SOX5: variants seen among roughly 807,000 people sequenced by gnomAD.
SOX5 encodes SRY-box transcription factor 5, also known as transcription factor SOX-5.
Under a neutral mutation model 92.0 loss-of-function variants are expected in SOX5, and 9 were observed. The ratio of observed to expected loss-of-function variants is 0.10; its 90% CI spans 0.06 to 0.17. The LOEUF (loss-of-function observed/expected upper bound fraction) is 0.17. Ranked by LOEUF, SOX5 falls within the 10% of genes least tolerant of loss-of-function variation. The probability of loss-of-function intolerance (pLI) is 1.00; values close to 1 mark genes in which losing one functional copy is unlikely to be tolerated. For missense variants in SOX5, 642 were observed against 944.5 expected (o/e 0.68, Z 4.20); for synonymous variants, 344 against 336.3 (o/e 1.02, Z -0.25).
intron 4 of SOX5, among the ~76,000 whole-genome samples, chr12:24,153,415 T>C (rs1467564688): frequency 1.3e-5 from 2 of 152,094 alleles, no homozygotes; most frequent in Admixed American, 6.6e-5. Context: ...TTATTACAAA[T>C]ATGGGTTTCT....
At chr12:23,784,972 C>G (rs925117647) in intron 3 of SOX5, among the ~76,000 whole-genome samples, 4 of 152,134 alleles carry the variant, frequency 2.6e-5, no homozygotes, top group African/African-American at 9.7e-5. Context: ...GTTCCAGCTA[C>G]TTGATAAGCT....
At chr12:24,179,488 C>T (rs146343899) in intron 4 of SOX5, among the ~76,000 whole-genome samples, 9 of 152,172 alleles carry the variant, frequency 5.9e-5, no homozygotes, top group East Asian at 3.8e-4. Context: ...TAGTCAACCA[C>T]GCAACCATGA....
chr12:23,666,444 G>A (rs1026222435), intron 6 of SOX5, among the ~76,000 whole-genome samples: 5 of 152,176 alleles, frequency 3.3e-5, no homozygotes, highest in African/African-American at 4.8e-5. Context: ...ACAACCTAAT[G>A]TGGCCATTTC....
chr12:23,734,944 A>G (rs780911635), intron 5 of SOX5, among the ~76,000 whole-genome samples, 192 bp from the exon 6 acceptor site: 8 of 152,208 alleles, frequency 5.3e-5, no homozygotes, highest in Non-Finnish European at 1.2e-4. Flanking sequence ...AGGAACAGTT[A>G]TGTTTCTTTT....
chr12:24,406,374 C>T (rs12580589), intron 1 of SOX5, among the ~76,000 whole-genome samples: 11 of 148,524 alleles, frequency 7.4e-5, no homozygotes, highest in Admixed American at 6.7e-4. Flanking sequence ...AAGTGATCAA[C>T]TGAGAGTCAG....
chr12:24,528,981 T>C (rs1350005347), intron 1 of SOX5, among the ~76,000 whole-genome samples: 1 of 152,230 alleles, frequency 6.6e-6, no homozygotes, highest in Non-Finnish European at 1.5e-5. Flanking sequence ...TTTACATATA[T>C]CATCTCATTT....
At position 24,110,394 on chromosome 12, in the gene SOX5, T is replaced by C. The variant is rs1593248296; in HGVS notation, c.-2+102949A>G. Among the ~76,000 whole-genome samples the C allele has an allele frequency of 3.9e-5, 6 of 152,342 alleles. No individual in the cohort carries two copies. In the South Asian group the frequency reaches 1.2e-3, roughly 32 times the overall value. ...GATGACCATCTCTTATTCAATTTTG[T>C]ACAGTCAACCTAAGTCCCACATCAA... On this transcript the variant is annotated intron_variant, in intron 4 of 4. Coordinates refer to the SOX5 transcript ENST00000446891.
chr12:24,270,609 A>G (rs1284215391), intron 3 of SOX5, among the ~76,000 whole-genome samples: 2 of 152,224 alleles, frequency 1.3e-5, no homozygotes, highest in Admixed American at 1.3e-4. Flanking sequence ...CACACAGGTC[A>G]TTACTGGCAC....
At chr12:23,982,227 T>A (rs1949640096) in intron 4 of SOX5, among the ~76,000 whole-genome samples, 1 of 152,200 alleles carries the variant, frequency 6.6e-6, no homozygotes, top group African/African-American at 2.4e-5. Flanking sequence ...TTTCATGACC[T>A]CCAGAAAAAT....
intron 8 of SOX5, among the ~76,000 whole-genome samples, chr12:23,607,028 A>G (rs1305864883): frequency 6.6e-6 from 1 of 152,170 alleles, no homozygotes; most frequent in Non-Finnish European, 1.5e-5. Context: ...GATGGCTAAC[A>G]TTAGGTTGCT....
At chr12:23,542,425 A>G (rs1047116489) in intron 13 of SOX5, among the ~76,000 whole-genome samples, 2 of 151,894 alleles carry the variant, frequency 1.3e-5, no homozygotes, top group Non-Finnish European at 2.9e-5. Context: ...TAAGGCACAA[A>G]AGCAATGGAA....
intron 2 of SOX5, among the ~76,000 whole-genome samples, chr12:24,277,530 A>G (rs919506162): frequency 1.4e-5 from 2 of 145,058 alleles, no homozygotes; most frequent in African/African-American, 4.9e-5. Flanking sequence ...TTATATGTAT[A>G]TAATTTATAT....
intron 4 of SOX5, among the ~76,000 whole-genome samples, chr12:23,970,158 T>C (rs1440543899): frequency 6.6e-6 from 1 of 151,908 alleles, no homozygotes; most frequent in East Asian, 1.9e-4. Context: ...TCCCAGTCTA[T>C]CATAAAAAAA....
chr12:24,103,422 G>A (rs998158937), intron 4 of SOX5, among the ~76,000 whole-genome samples: 1 of 150,958 alleles, frequency 6.6e-6, no homozygotes, highest in East Asian at 1.9e-4. Flanking sequence ...TGATGCAATC[G>A]TAGCTCACTT....
chr12:24,335,549 T>C (rs1181236237), intron 2 of SOX5, among the ~76,000 whole-genome samples: 5 of 152,298 alleles, frequency 3.3e-5, no homozygotes, highest in South Asian at 2.1e-4. Context: ...TTATTAAGCA[T>C]GTGAGACAAA....
At chr12:23,757,504 T>G (rs2094430152) in intron 3 of SOX5, among the ~76,000 whole-genome samples, 1 of 151,938 alleles carries the variant, frequency 6.6e-6, no homozygotes, top group African/African-American at 2.4e-5. Context: ...ACATTCCCAG[T>G]AAACAGTTTG....
chr12:23,778,293 T>A (rs1313818268), intron 3 of SOX5, among the ~76,000 whole-genome samples: 2 of 152,204 alleles, frequency 1.3e-5, no homozygotes, highest in African/African-American at 4.8e-5. Flanking sequence ...TATTATTTTC[T>A]AAAAAACATT....
chr12:23,686,007 C>T (rs923693931), intron 6 of SOX5, among the ~76,000 whole-genome samples: 2 of 152,076 alleles, frequency 1.3e-5, no homozygotes, highest in Non-Finnish European at 2.9e-5. Flanking sequence ...ATACAACAGG[C>T]ACAGAATTAA....
At chr12:24,554,553 C>T in intron 1 of SOX5, among the ~76,000 whole-genome samples, 1 of 152,040 alleles carries the variant, frequency 6.6e-6, no homozygotes, top group East Asian at 1.9e-4. Context: ...TCTTTTCCTG[C>T]CTCCCATCCT....
Sources: gnomAD v4.1 joint callset for allele counts (sites outside exome capture counted in the v4.1 genomes callset) on GRCh38, gnomAD v4.1.1 for gene constraint, MANE v1.5 for transcripts, NCBI Gene and HGNC (gene_info 2026-07-23, HGNC 2026-07-21) for gene names.